B4GALT4: variants seen among roughly 807,000 people sequenced by gnomAD.
B4GALT4 encodes the protein beta-1,4-galactosyltransferase 4.
Under a neutral mutation model 37.3 loss-of-function variants are expected in B4GALT4, and 27 were observed. The observed-to-expected ratio is 0.72, with a 90% CI of 0.53 to 1.00. The LOEUF (loss-of-function observed/expected upper bound fraction) is 1.00. Among genes scored for constraint, B4GALT4 ranks in the 50% least tolerant of loss-of-function variants. B4GALT4 has a pLI of 0.00. For missense variants in B4GALT4, 372 were observed against 413.1 expected (o/e 0.90, Z 0.86); for synonymous variants, 148 against 154.1 (o/e 0.96, Z 0.29).
chr3:119,236,366 G>A (rs545696877), intron 2 of B4GALT4: 2 of 151,982 alleles, frequency 1.3e-5, no homozygotes, highest in Non-Finnish European at 1.5e-5. Flanking sequence ...AAAGTTTGTA[G>A]TTTAGTTAAT....
intron 2 of B4GALT4, among the ~76,000 whole-genome samples, chr3:119,230,570 T>C (rs2078778879): frequency 6.6e-6 from 1 of 152,186 alleles, no homozygotes; most frequent in Non-Finnish European, 1.5e-5. Context: ...GACATAGCCC[T>C]AATGGTTCTC....
chr3:119,235,893 T>A (rs1237741362), intron 2 of B4GALT4, among the ~76,000 whole-genome samples: 2 of 152,120 alleles, frequency 1.3e-5, no homozygotes, highest in Non-Finnish European at 2.9e-5. Flanking sequence ...ATAAAAATGA[T>A]CAAACAAATA....
chr3:119,212,063 C>A lies in B4GALT4; in HGVS notation c.*486G>T. ...CCTTTTCTCCCCTCTTTTGTGGACG[C>A]CTTCTCACCTGACACCACCACTTCA... On this transcript the variant is annotated 3_prime_UTR_variant, in exon 8 of 8. Transcript: ENST00000393765. The A allele has an allele frequency of 1.5e-6, 1 of 685,186 alleles. No homozygotes were observed. The highest frequency in any genetic ancestry group is 1.5e-5 in the South Asian group (1 of 65,014). 42.4% of individuals were successfully genotyped at this position (685,186 alleles called of 1,614,324 possible). A position where few individuals can be genotyped will look rare whatever the true frequency, so the allele number is the denominator to read the frequency against.
intron 2 of B4GALT4, chr3:119,235,149 G>A (rs1335346760): frequency 6.6e-6 from 1 of 152,202 alleles, no homozygotes. Context: ...AGGTACCTGA[G>A]AGTCCTTTCT....
intron 4 of B4GALT4, among the ~76,000 whole-genome samples, chr3:119,225,560 CTAAT>C (rs1235412623): frequency 3.6e-5 from 4 of 112,110 alleles, no homozygotes; most frequent in African/African-American, 1.0e-4. Flanking sequence ...CCACACCCAA[CTAAT>C]TTTTTTTTTT....
chr3:119,234,118 T>C (rs1009818150), intron 2 of B4GALT4, among the ~76,000 whole-genome samples: 1 of 151,188 alleles, frequency 6.6e-6, no homozygotes, highest in African/African-American at 2.4e-5. Context: ...GGACACAAGT[T>C]TTTTTTTTTT....
At position 119,223,973 on chromosome 3, in the gene B4GALT4, G is replaced by A. The variant is rs531964894; in HGVS notation, c.674+85C>T. On this transcript the variant is annotated intron_variant, in intron 5 of 7. Coordinates refer to ENST00000393765, the MANE Select transcript of B4GALT4 (RefSeq NM_003778.4). ...TTTTTTCTATTTCTCATTTTCTTAT[G>A]ACACTCTGGATGCTTGTTCCACCCA... 25 of 1,345,802 alleles carry A rather than the reference G, an allele frequency of 1.9e-5. No individual in the cohort carries two copies. In the South Asian group the frequency reaches 3.8e-4, roughly 20 times the overall value. 83.4% of individuals were successfully genotyped at this position (1,345,802 alleles called of 1,614,324 possible). A position where few individuals can be genotyped will look rare whatever the true frequency, so the allele number is the denominator to read the frequency against.
chr3:119,220,729 G>T (rs4687982), intron 5 of B4GALT4, among the ~76,000 whole-genome samples: 14,593 of 152,246 alleles, frequency 0.096, 1,387 homozygotes, highest in African/African-American at 0.24. Context: ...CTCCACGCCT[G>T]TAATCCCAGC....
At chr3:119,239,219 G>C (rs545102433) in intron 1 of B4GALT4, among the ~76,000 whole-genome samples, 3 of 151,670 alleles carry the variant, frequency 2.0e-5, no homozygotes, top group Non-Finnish European at 4.4e-5. Context: ...CCAGCTACTC[G>C]GGAGGCTGAG....
chr3:119,230,702 CT>C (rs1012601281), intron 2 of B4GALT4, among the ~76,000 whole-genome samples: 1 of 152,186 alleles, frequency 6.6e-6, no homozygotes, highest in African/African-American at 2.4e-5. Flanking sequence ...TTCTTCTCCC[CT>C]GTGACAGCTA....
chr3:119,227,624 C>A (rs774663313), intron 3 of B4GALT4, among the ~76,000 whole-genome samples: 12 of 152,294 alleles, frequency 7.9e-5, no homozygotes, highest in African/African-American at 2.9e-4. Context: ...TTTGCCACCA[C>A]AACAGACGTT....
In B4GALT4 at chr3:119,240,395, C is replaced by A. The variant is rs192888262; in HGVS notation, c.-364+455G>T. ...GAAAGGTCAAAGGTCGCCGGCCCCT[C>A]GCAGGACTGGGGCTGGTGTCAGCTG... On this transcript the variant is annotated intron_variant, in intron 1 of 7. Coordinates refer to ENST00000393765, the MANE Select transcript of B4GALT4 (RefSeq NM_003778.4). 304 of 152,394 alleles carry A rather than the reference C, an allele frequency of 2.0e-3. 1 individual carries two copies. The highest frequency in any genetic ancestry group is 3.6e-3 in the Non-Finnish European group (245 of 68,068). 9.4% of individuals were successfully genotyped at this position (152,394 alleles called of 1,614,324 possible).
chr3:119,215,376 C>G (rs983854573), intron 7 of B4GALT4: 4 of 152,946 alleles, frequency 2.6e-5, no homozygotes, highest in African/African-American at 9.7e-5. Context: ...AGTGGTTTGC[C>G]AGGGACTCTC....
intron 5 of B4GALT4, among the ~76,000 whole-genome samples, chr3:119,222,924 G>A (rs955458633): frequency 1.3e-5 from 2 of 152,212 alleles, no homozygotes; most frequent in African/African-American, 4.8e-5. Context: ...TGAGGCAACA[G>A]TCACCTACAT....
At chr3:119,213,757 A>G (rs2078220289) in intron 7 of B4GALT4, 1 of 152,212 alleles carries the variant, frequency 6.6e-6, no homozygotes, top group African/African-American at 2.4e-5. Flanking sequence ...CATACTTTTC[A>G]TACAATTTAG....
chr3:119,230,287 T>G (rs935305299), intron 2 of B4GALT4, 43 bp from the exon 3 acceptor site: 1 of 774,340 alleles, frequency 1.3e-6, no homozygotes, highest in Admixed American at 2.9e-5. Flanking sequence ...AAATGGAAAT[T>G]CTATCCTGAA....
At position 119,219,897 on chromosome 3, in the gene B4GALT4, A is replaced by T. The variant is rs181321975; in HGVS notation, c.675-1125T>A. Among the ~76,000 whole-genome samples the T allele has an allele frequency of 3.3e-3, 498 of 152,350 alleles. 1 individual carries two copies. Among genetic ancestry groups the T allele is most frequent in the South Asian group, 8.7e-3 (42 of 4,828 alleles). On this transcript the variant is annotated intron_variant, in intron 5 of 7. Coordinates refer to ENST00000393765, the MANE Select transcript of B4GALT4 (RefSeq NM_003778.4). ...AATAAAAAGATGTGAATATCTAGAG[A>T]ATTTTTAACTTTAACTTCAGGTCAA... is the stretch of plus-strand genomic sequence containing the variant.
rs371366842 is a variant in B4GALT4 at position 119,220,985 on chromosome 3, CA to C, written c.675-2214del. Among the ~76,000 whole-genome samples, 427 of 108,152 alleles carry C rather than the reference CA, an allele frequency of 3.9e-3. 1 individual carries two copies. Among genetic ancestry groups the C allele is most frequent in the African/African-American group, 6.7e-3 (184 of 27,444 alleles). 71.0% of individuals were successfully genotyped at this position (108,152 alleles called of 152,430 possible). A position where few individuals can be genotyped will look rare whatever the true frequency, so the allele number is the denominator to read the frequency against. ...TGGGCAACAGAGTGAGACTCTGTCTCAAAAAAAAAAAAAAAGGAACTGTTTC... is the reference window on the plus strand; with the variant it reads ...TGGGCAACAGAGTGAGACTCTGTCTCAAAAAAAAAAAAAAGGAACTGTTTC... On this transcript the variant is annotated intron_variant, in intron 5 of 7. Coordinates refer to ENST00000393765, the MANE Select transcript of B4GALT4 (RefSeq NM_003778.4).
At chr3:119,216,399 C>A in intron 6 of B4GALT4, 55 bp from the exon 7 acceptor site, 3 of 1,440,496 alleles carry the variant, frequency 2.1e-6, no homozygotes, top group Non-Finnish European at 2.9e-6. Context: ...TACCACTAGG[C>A]AAATAAAAAG....
Sources: allele counts gnomAD v4.1 joint callset (sites outside exome capture counted in the v4.1 genomes callset), GRCh38; gene constraint gnomAD v4.1.1; transcripts MANE v1.5; gene names NCBI Gene and HGNC (gene_info 2026-07-23, HGNC 2026-07-21).